The following CALR3 variants were observed in gnomAD, a reference collection of about 807,000 sequenced individuals.
CALR3 encodes calreticulin-3.
CALR3 carries 39 observed loss-of-function variants against 48.7 expected under a neutral mutation model. That is an observed-to-expected ratio of 0.80 (90% CI 0.62 to 1.05). The LOEUF (loss-of-function observed/expected upper bound fraction) is 1.05. CALR3 is among the 50% of genes least tolerant of loss of function. CALR3 has a pLI of 0.00. For synonymous variants in CALR3, 185 were observed against 172.7 expected (o/e 1.07, Z -0.56); for missense variants, 449 against 474.7 (o/e 0.95, Z 0.50).
rs1375351715 is a variant in CALR3, at chr19:16,486,637, AAG to A, written c.398-1382_398-1381del. Among the ~76,000 whole-genome samples the A allele has an allele frequency of 2.3e-3, 289 of 127,114 alleles. 1 individual carries two copies. The highest frequency in any genetic ancestry group is 7.9e-3 in the African/African-American group (266 of 33,532). 83.4% of individuals were successfully genotyped at this position (127,114 alleles called of 152,430 possible). On this transcript the variant is annotated intron_variant, in intron 3 of 8. Coordinates refer to ENST00000269881, the MANE Select transcript of CALR3 (RefSeq NM_145046.5). ...TCTATCTCAAAAAAAAAAAAAAAAAAAGGTATTTACACATGTAATGGATGTTC... is the reference window on the plus strand; with the variant it reads ...TCTATCTCAAAAAAAAAAAAAAAAAAGTATTTACACATGTAATGGATGTTC...
chr19:16,487,680 C>G (rs2093391294), intron 3 of CALR3, among the ~76,000 whole-genome samples: 1 of 151,866 alleles, frequency 6.6e-6, no homozygotes, highest in Admixed American at 6.6e-5. Context: ...TCTCATTGCC[C>G]AGGCTGGAGT....
At chr19:16,483,878 C>T in intron 5 of CALR3, 52 bp downstream of exon 5, 2 of 1,576,856 alleles carry the variant, frequency 1.3e-6, no homozygotes, top group South Asian at 2.3e-5. Flanking sequence ...TAACTGGGTA[C>T]TTACAAACTA....
In CALR3 at chr19:16,480,363, A is replaced by G. The variant is rs10410819; in HGVS notation, c.1011+251T>C. ...GGTCAGGACTTCGAGACCAGCCTGA[A>G]CAATATGGTGAAACCCCCTCTCTAC... is the stretch of plus-strand genomic sequence containing the variant. On this transcript the variant is annotated intron_variant, in intron 8 of 8. Transcript: ENST00000269881. Among the ~76,000 whole-genome samples the G allele has an allele frequency of 0.67, 101,651 of 151,492 alleles. 34,332 individuals are homozygous for G. The highest frequency in any genetic ancestry group is 0.76 in the South Asian group (3,632 of 4,806).
Position 16,496,103 on chromosome 19 carries a change from C to T in CALR3, c.27G>A (p.Trp9Ter). 1.2e-6 allele frequency: 2 copies of T among 1,606,176 alleles called. No homozygotes were observed. The highest frequency in any genetic ancestry group is 1.7e-6 in the Non-Finnish European group (2 of 1,176,562). The change falls in exon 1 of 9, where the codon TGG becomes TGA. Residue 9 changes from tryptophan (W) to a stop codon, truncating the protein, a stop_gained. Coordinates refer to ENST00000269881, the MANE Select transcript of CALR3 (RefSeq NM_145046.5). LOFTEE classifies it high-confidence loss of function. MARALVQL[W>*]AICMLRVALA... ...GCGCCACTCGCAGCATGCATATGGC[C>T]CAGAGCTGGACCAAAGCCCGGGCCA...
At chr19:16,489,138 C>T (rs989369081) in intron 3 of CALR3, among the ~76,000 whole-genome samples, 2 of 152,250 alleles carry the variant, frequency 1.3e-5, no homozygotes, top group Non-Finnish European at 2.9e-5. Flanking sequence ...TAAACACAGG[C>T]AGTGGGCCAA....
chr19:16,488,344 A>G (rs1416446254), intron 3 of CALR3, among the ~76,000 whole-genome samples: 1 of 152,046 alleles, frequency 6.6e-6, no homozygotes, highest in Non-Finnish European at 1.5e-5. Context: ...TGGCCTCCCA[A>G]AAGTGCTGGG....
In CALR3 at chr19:16,490,439, A is replaced by G; in HGVS notation, c.325T>C (p.Tyr109His). 2 of 1,614,176 alleles carry G rather than the reference A, an allele frequency of 1.2e-6. No individual in the cohort carries two copies. Among genetic ancestry groups the G allele is most frequent in the African/African-American group, 1.3e-5 (1 of 75,060 alleles). Residue 109 changes from tyrosine (Y) to histidine (H), a missense_variant, in exon 3 of 9, where the codon TAC (tyrosine) becomes CAC (histidine). Tyr to His is a moderately conservative substitution (Grantham distance 83). Coordinates refer to ENST00000269881, the MANE Select transcript of CALR3 (RefSeq NM_145046.5). ...HEQKMDCGGG[Y>H]IKVFPADIDQ... Reference sequence around the variant, plus strand: ...ATGTCTGCAGGAAAGACCTTAATGTAGCCCCCTCCACAGTCCATCTTCTGC... The same window carrying G: ...ATGTCTGCAGGAAAGACCTTAATGTGGCCCCCTCCACAGTCCATCTTCTGC...
rs373463013 is a variant in CALR3, at chr19:16,482,169, A to C, written c.918+281T>G. Among the ~76,000 whole-genome samples the C allele has an allele frequency of 6.6e-5, 10 of 151,768 alleles. No homozygotes were observed. The East Asian group carries it at 9.7e-4, about 15-fold the overall frequency. The stretch of plus-strand genomic sequence containing the variant: ...GTGATCCACCCGCCTCAGCCTCCCA[A>C]AGTGCTGGGATTACAGGAGTGAGCC... On this transcript the variant is annotated intron_variant, in intron 7 of 8. Transcript: ENST00000269881.
chr19:16,483,948 A>G lies in CALR3; in HGVS notation c.660T>C (p.Thr220=). 1 of 1,614,050 alleles carries G rather than the reference A, an allele frequency of 6.2e-7. No homozygotes were observed. Among genetic ancestry groups the G allele is most frequent in the Non-Finnish European group, 8.5e-7 (1 of 1,180,010 alleles). ...SPAESKDWEQ[T]KDNKAQDWEK... ...TTCACACCTGGGCTTTGTTGTCTTT[A>G]GTCTGTTCCCAATCCTTCGATTCTG... The change falls in exon 5 of 9, where the codon ACT becomes ACC. Residue 220 remains threonine (T), a synonymous_variant. Coordinates refer to ENST00000269881, the MANE Select transcript of CALR3 (RefSeq NM_145046.5).
In CALR3 at chr19:16,482,502, T is replaced by C; in HGVS notation, c.866A>G (p.Tyr289Cys). The C allele has an allele frequency of 1.9e-6, 3 of 1,614,250 alleles. No homozygotes were observed. Among genetic ancestry groups the C allele is most frequent in the Non-Finnish European group, 1.7e-6 (2 of 1,180,038 alleles). Residue 289 changes from tyrosine (Y) to cysteine (C), a missense_variant, in exon 7 of 9, where the codon TAT becomes TGT. Physicochemically the swap from Tyr to Cys is radical, Grantham distance 194. Coordinates refer to ENST00000269881, the MANE Select transcript of CALR3 (RefSeq NM_145046.5). Reference sequence around the variant, plus strand: ...AATGTTCTCAAATTCTGAGAGGTCATACTGCGTCAAATAGTCGGTATTCTT... The same window carrying C: ...AATGTTCTCAAATTCTGAGAGGTCACACTGCGTCAAATAGTCGGTATTCTT... The part of the protein sequence containing the change: ...KMKNTDYLTQ[Y>C]DLSEFENIGA...
At chr19:16,481,748 C>G (rs1427656301) in intron 7 of CALR3, among the ~76,000 whole-genome samples, 1 of 151,922 alleles carries the variant, frequency 6.6e-6, no homozygotes, top group Non-Finnish European at 1.5e-5. Flanking sequence ...ATCTGCCCCC[C>G]TCAGCCTCCC....
chr19:16,484,589 C>T lies in CALR3; in HGVS notation c.493-474G>A, dbSNP rs2093386286. ...CTGGAGTGCAGTGGTGCAATCAGAG[C>T]TCACTACAACCTTGACCTCCCAGGC... On this transcript the variant is annotated intron_variant, in intron 4 of 8. Transcript: ENST00000269881. 2.0e-5 allele frequency among the ~76,000 whole-genome samples: 3 copies of T among 152,208 alleles called. 1 individual carries two copies. The Middle Eastern group carries it at 0.01, about 518-fold the overall frequency.
chr19:16,494,047 G>C (rs2093401993), intron 2 of CALR3, among the ~76,000 whole-genome samples: 1 of 151,558 alleles, frequency 6.6e-6, no homozygotes, highest in South Asian at 2.1e-4. Context: ...AAGATGTAAT[G>C]TTTATCTCTG....
chr19:16,483,675 G>A (rs1599718065), intron 5 of CALR3: 5 of 424,980 alleles, frequency 1.2e-5, no homozygotes, highest in Admixed American at 3.6e-5. Flanking sequence ...CTGAGATCAC[G>A]CCACTGCACT....
At chr19:16,479,432 A>AC (rs1212062385) in intron 8 of CALR3, among the ~76,000 whole-genome samples, 158 bp from the exon 9 acceptor site, 1 of 150,564 alleles carries the variant, frequency 6.6e-6, no homozygotes, top group East Asian at 2.0e-4. Flanking sequence ...AAAAATACAA[A>AC]AAAAAAAAAG....
chr19:16,482,774 C>T lies in CALR3; in HGVS notation c.690G>A (p.Lys230=). 6.2e-7 allele frequency: 1 copy of T among 1,613,124 alleles called. No individual in the cohort carries two copies. Among genetic ancestry groups the T allele is most frequent in the Non-Finnish European group, 8.5e-7 (1 of 1,179,786 alleles). ...TGCTGGTGCTGGCGTCCAGAAAATG[C>T]TTCTCCCAGTCCTTCAAAGACATGT... ...TKDNKAQDWE[K]HFLDASTSKQ... The change falls in exon 6 of 9, where the codon AAG becomes AAA. Residue 230 remains lysine, a synonymous_variant. Transcript: ENST00000269881.
chr19:16,489,416 C>G (rs2093394351), intron 3 of CALR3, among the ~76,000 whole-genome samples: 1 of 152,124 alleles, frequency 6.6e-6, no homozygotes, highest in South Asian at 2.1e-4. Context: ...ATCGGGAGTT[C>G]AAGACCAGCC....
Position 16,482,674 on chromosome 19 carries a change from A to C in CALR3, c.786+4T>G. Reference sequence around the variant, plus strand: ...CCCTGGCATCATACAAAGAGGCCACACACCTGGTACGGGGGCTTCTGGAGC... The same window carrying C: ...CCCTGGCATCATACAAAGAGGCCACCCACCTGGTACGGGGGCTTCTGGAGC... On this transcript the variant is annotated splice_donor_region_variant and intron_variant, in intron 6 of 8. Transcript: ENST00000269881. 1 of 1,614,178 alleles carries C rather than the reference A, an allele frequency of 6.2e-7. No individual in the cohort carries two copies. The highest frequency in any genetic ancestry group is 8.5e-7 in the Non-Finnish European group (1 of 1,180,038).
chr19:16,480,985 T>C (rs555309978), intron 7 of CALR3, among the ~76,000 whole-genome samples: 9 of 151,924 alleles, frequency 5.9e-5, no homozygotes, highest in African/African-American at 2.2e-4. Context: ...GTGAACCCCA[T>C]CTCTATTAAA....
Sources: allele counts gnomAD v4.1 joint callset (sites outside exome capture counted in the v4.1 genomes callset), GRCh38; gene constraint gnomAD v4.1.1; transcripts MANE v1.5; gene names NCBI Gene and HGNC (gene_info 2026-07-23, HGNC 2026-07-21).